The following TMEM11 variants were observed in gnomAD, a reference collection of about 807,000 sequenced individuals.
The protein encoded by TMEM11 is transmembrane protein 11, mitochondrial.
Under a neutral mutation model 17.0 loss-of-function variants are expected in TMEM11, and 1 was observed. The ratio of observed to expected loss-of-function variants is 0.06; its 90% confidence interval spans 0.02 to 0.28. TMEM11 has a LOEUF of 0.28. Ranked by LOEUF, TMEM11 falls within the 10% of genes least tolerant of loss-of-function variation. The pLI is 1.00. For synonymous variants in TMEM11, 122 were observed against 118.1 expected (o/e 1.03, Z -0.21); for missense variants, 172 against 252.9 (o/e 0.68, Z 2.17).
intron 1 of TMEM11, chr17:21,213,831 T>C: frequency 4.7e-6 from 2 of 422,344 alleles, no homozygotes; most frequent in Non-Finnish European, 4.3e-6. Context: ...CGGCCCGGCC[T>C]CGGGCCCCGC....
intron 1 of TMEM11, among the ~76,000 whole-genome samples, chr17:21,204,965 T>A (rs1172052252): frequency 3.3e-5 from 5 of 152,074 alleles, no homozygotes; most frequent in Admixed American, 3.3e-4. Flanking sequence ...TTGCAGGCAC[T>A]CATAAAGTGG....
At chr17:21,207,495 T>G (rs1974954703) in intron 1 of TMEM11, among the ~76,000 whole-genome samples, 1 of 151,790 alleles carries the variant, frequency 6.6e-6, no homozygotes. Context: ...ACCACTGCAT[T>G]CCAGCCTGGG....
At position 21,198,271 on chromosome 17, in the gene TMEM11, CTG is replaced by C; in HGVS notation, c.*51_*52del. The C allele has an allele frequency of 6.4e-7, 1 of 1,568,118 alleles. No homozygotes were observed. Among genetic ancestry groups the C allele is most frequent in the South Asian group, 1.2e-5 (1 of 83,572 alleles). On this transcript the variant is annotated 3_prime_UTR_variant, in exon 2 of 2. Coordinates refer to ENST00000317635, the MANE Select transcript of TMEM11 (RefSeq NM_003876.3). The surrounding 1 kb of genome is among the most constrained non-coding windows in gnomAD (Gnocchi z 6.5). Reference sequence around the variant, plus strand: ...CACAGAGTGTGGCGATCTGAATACTCTGTTGTCTCTTGTGGGCCGGGTGGTTT... The same window carrying C: ...CACAGAGTGTGGCGATCTGAATACTCTTGTCTCTTGTGGGCCGGGTGGTTT...
chr17:21,199,932 C>A (rs1974864718), intron 1 of TMEM11, among the ~76,000 whole-genome samples: 1 of 152,232 alleles, frequency 6.6e-6, no homozygotes, highest in African/African-American at 2.4e-5. Flanking sequence ...TCAAAACATC[C>A]AGCCCAGCAA....
rs192868529 is a variant in TMEM11, at chr17:21,210,739, C to T, written c.62+3352G>A. Among the ~76,000 whole-genome samples, 242 of 152,312 alleles carry T rather than the reference C, an allele frequency of 1.6e-3. 1 individual carries two copies. The highest frequency in any genetic ancestry group is 0.011 in the Admixed American group (163 of 15,292). Reference sequence around the variant, plus strand: ...CCCAGGGAACTGGCTGCCTATAAAACGCTGGAGCAGATGGCCGCGCAAGCC... The same window carrying T: ...CCCAGGGAACTGGCTGCCTATAAAATGCTGGAGCAGATGGCCGCGCAAGCC... On this transcript the variant is annotated intron_variant, in intron 1 of 1. Coordinates refer to ENST00000317635, the MANE Select transcript of TMEM11 (RefSeq NM_003876.3).
chr17:21,213,935 C>G, intron 1 of TMEM11, 156 bp downstream of exon 1: 4 of 720,884 alleles, frequency 5.5e-6, no homozygotes, highest in Non-Finnish European at 8.9e-6. Context: ...CACCCGGATC[C>G]CGGATCCTCC....
chr17:21,207,966 C>T (rs1220313812), intron 1 of TMEM11, among the ~76,000 whole-genome samples: 1 of 149,194 alleles, frequency 6.7e-6, no homozygotes. Context: ...TTTCTTCATG[C>T]TTTTCTATAT....
chr17:21,199,323 T>G (rs1321547928), intron 1 of TMEM11, among the ~76,000 whole-genome samples: 2 of 28,418 alleles, frequency 7.0e-5, no homozygotes, highest in Non-Finnish European at 7.0e-5. Flanking sequence ...CGAGACTCAG[T>G]CTCAGAAAAA....
chr17:21,211,012 G>C (rs1974997335), intron 1 of TMEM11: 1 of 1,289,844 alleles, frequency 7.8e-7, no homozygotes, highest in Non-Finnish European at 1.0e-6. Flanking sequence ...AGTAAGACAG[G>C]CAGGGCTGTC....
chr17:21,210,100 C>G (rs1332457044), intron 1 of TMEM11, among the ~76,000 whole-genome samples: 1 of 152,200 alleles, frequency 6.6e-6, no homozygotes, highest in East Asian at 1.9e-4. Context: ...GAGGAGCCAC[C>G]TCCCCACCTC....
chr17:21,199,136 T>C (rs1298033870), intron 1 of TMEM11, among the ~76,000 whole-genome samples: 1 of 135,610 alleles, frequency 7.4e-6, no homozygotes, highest in African/African-American at 2.7e-5. Context: ...CTGGCCAACA[T>C]GGTGAAACCC....
chr17:21,203,823 CTAATGAAGG>C (rs1974910151), intron 1 of TMEM11, among the ~76,000 whole-genome samples: 1 of 151,860 alleles, frequency 6.6e-6, no homozygotes, highest in Admixed American at 6.6e-5. Flanking sequence ...CAAACAAAAC[CTAATGAAGG>C]AAAGAACCCA....
Position 21,198,186 on chromosome 17 carries a change from T to A in TMEM11, c.*138A>T. ...TGAAAAACCCTGGGTACACCCGTGA[T>A]CTGTTATTTTTTAAAAATAACAAAT... On this transcript the variant is annotated 3_prime_UTR_variant, in exon 2 of 2. Transcript: ENST00000317635. The surrounding 1 kb of genome is among the most constrained non-coding windows in gnomAD (Gnocchi z 6.5). 1 of 1,137,826 alleles carries A rather than the reference T, an allele frequency of 8.8e-7. No individual in the cohort carries two copies. Among genetic ancestry groups the A allele is most frequent in the Non-Finnish European group, 1.2e-6 (1 of 801,560 alleles). 70.5% of individuals were successfully genotyped at this position (1,137,826 alleles called of 1,614,324 possible). A position where few individuals can be genotyped will look rare whatever the true frequency, so the allele number is the denominator to read the frequency against.
Position 21,198,199 on chromosome 17 carries a change from A to T in TMEM11, c.*125T>A, listed in dbSNP as rs944475218. 14 of 1,275,618 alleles carry T rather than the reference A, an allele frequency of 1.1e-5. No individual in the cohort carries two copies. In the East Asian group the frequency reaches 3.0e-4, roughly 28 times the overall value. The allele number at this position is 1,275,618 out of a possible 1,614,324, so 79.0% of individuals were successfully genotyped here. The stretch of plus-strand genomic sequence containing the variant: ...GTACACCCGTGATCTGTTATTTTTT[A>T]AAAATAACAAATACTAAGCCAAACA... On this transcript the variant is annotated 3_prime_UTR_variant, in exon 2 of 2. Coordinates refer to ENST00000317635, the MANE Select transcript of TMEM11 (RefSeq NM_003876.3). The surrounding 1 kb of genome is among the most constrained non-coding windows in gnomAD (Gnocchi z 6.5).
At chr17:21,214,056 G>A (rs372742816) in intron 1 of TMEM11, 35 bp downstream of exon 1, 29 of 1,592,668 alleles carry the variant, frequency 1.8e-5, no homozygotes, top group Admixed American at 6.9e-5. Context: ...CCGCTGAGCC[G>A]CCTGCACTGG....
rs1409587170 is a variant in TMEM11, at chr17:21,210,821, G to T, written c.62+3270C>A. On this transcript the variant is annotated intron_variant, in intron 1 of 1. Coordinates refer to ENST00000317635, the MANE Select transcript of TMEM11 (RefSeq NM_003876.3). ...GCGCTAAACCTGAACTTTTAGCCCC[G>T]TGCATCTGGCCCTCTGCACACCCCA... 1.7e-5 allele frequency: 18 copies of T among 1,050,660 alleles called. No homozygotes were observed. The East Asian group carries it at 1.0e-3, about 61-fold the overall frequency. The allele number at this position is 1,050,660 out of a possible 1,614,324, so 65.1% of individuals were successfully genotyped here. A position where few individuals can be genotyped will look rare whatever the true frequency, so the allele number is the denominator to read the frequency against.
intron 1 of TMEM11, among the ~76,000 whole-genome samples, chr17:21,205,493 C>A (rs757829325): frequency 6.6e-6 from 1 of 152,140 alleles, no homozygotes; most frequent in Non-Finnish European, 1.5e-5. Flanking sequence ...AGTTCTCTAT[C>A]GCGCTGGGTG....
chr17:21,200,726 G>A (rs1242054845), intron 1 of TMEM11, among the ~76,000 whole-genome samples: 2 of 152,254 alleles, frequency 1.3e-5, no homozygotes, highest in Non-Finnish European at 2.9e-5. Context: ...ACAGGAACTA[G>A]CTTCCTTTCA....
At chr17:21,207,643 T>C (rs1974956495) in intron 1 of TMEM11, among the ~76,000 whole-genome samples, 1 of 152,006 alleles carries the variant, frequency 6.6e-6, no homozygotes, top group Non-Finnish European at 1.5e-5. Flanking sequence ...ATCCCAGCAC[T>C]TTGGGAGGCC....
Sources: allele counts gnomAD v4.1 joint callset (sites outside exome capture counted in the v4.1 genomes callset), GRCh38; gene constraint gnomAD v4.1.1; non-coding constraint Gnocchi (gnomAD v3.1); transcripts MANE v1.5; gene names NCBI Gene and HGNC (gene_info 2026-07-23, HGNC 2026-07-21).